UPP2: variants seen among roughly 807,000 people sequenced by gnomAD.
The protein encoded by UPP2 is UPase 2.
UPP2 carries 23 observed loss-of-function variants against 26.7 expected under a neutral mutation model. That is an observed-to-expected ratio of 0.86 (90% CI 0.62 to 1.22). The LOEUF (loss-of-function observed/expected upper bound fraction) is 1.22, where lower values mean the gene tolerates loss of function less well. UPP2 is among the 50% of genes most tolerant of loss of function. The pLI, the probability that UPP2 is intolerant of heterozygous loss-of-function variation, is 0.00. For synonymous variants in UPP2, 127 were observed against 141.3 expected, an observed-to-expected ratio of 0.90 and a Z score of 0.72; for missense variants, 387 against 396.7, an observed-to-expected ratio of 0.98 and a Z score of 0.21.
chr2:158,018,996 G>A (rs1385660098), intron 3 of UPP2, among the ~76,000 whole-genome samples: 4 of 152,038 alleles, frequency 2.6e-5, no homozygotes, highest in African/African-American at 9.7e-5. Flanking sequence ...ATCTCCACAT[G>A]GTTACTCCAC....
intron 3 of UPP2, among the ~76,000 whole-genome samples, chr2:158,040,314 T>C (rs1000988720): frequency 3.9e-4 from 59 of 152,360 alleles, no homozygotes; most frequent in African/African-American, 1.3e-3. Flanking sequence ...TTGTATCAAC[T>C]GATGAGTACT....
chr2:158,127,217 C>G (rs1035267663), intron 6 of UPP2, among the ~76,000 whole-genome samples: 2 of 152,222 alleles, frequency 1.3e-5, no homozygotes, highest in African/African-American at 4.8e-5. Context: ...CTCACTCACT[C>G]ACAATGGTGT....
intron 3 of UPP2, among the ~76,000 whole-genome samples, chr2:158,059,330 A>T (rs1453528155): frequency 6.6e-6 from 1 of 152,198 alleles, no homozygotes; most frequent in East Asian, 1.9e-4. Context: ...ACAGCTTCAT[A>T]CTGAACACTA....
At chr2:158,107,443 G>A (rs542934230) in intron 2 of UPP2, among the ~76,000 whole-genome samples, 1 of 152,310 alleles carries the variant, frequency 6.6e-6, no homozygotes, top group East Asian at 1.9e-4. Context: ...TGGTAGTGCT[G>A]AGACCTGGAT....
At chr2:158,036,956 A>G (rs1684011014) in intron 3 of UPP2, among the ~76,000 whole-genome samples, 1 of 152,190 alleles carries the variant, frequency 6.6e-6, no homozygotes, top group Non-Finnish European at 1.5e-5. Context: ...ACACTGGCTC[A>G]GTAGAAAGTC....
chr2:158,046,452 C>T (rs1329782723), intron 3 of UPP2, among the ~76,000 whole-genome samples: 2 of 152,118 alleles, frequency 1.3e-5, no homozygotes, highest in African/African-American at 4.8e-5. Flanking sequence ...AATCTGCTTG[C>T]CCCAAGTTGT....
intron 3 of UPP2, among the ~76,000 whole-genome samples, chr2:158,039,651 TG>T (rs1403435819): frequency 1.3e-5 from 2 of 152,210 alleles, no homozygotes; most frequent in African/African-American, 4.8e-5. Flanking sequence ...TCAAAGTTCA[TG>T]GACTAATAGC....
chr2:158,004,658 C>T (rs571205560), intron 2 of UPP2, among the ~76,000 whole-genome samples: 38 of 152,254 alleles, frequency 2.5e-4, no homozygotes, highest in East Asian at 1.7e-3. Flanking sequence ...AACAAGTAAA[C>T]GCCCAACTTT....
At chr2:158,014,729 G>A (rs890530485) in intron 2 of UPP2, among the ~76,000 whole-genome samples, 2 of 151,934 alleles carry the variant, frequency 1.3e-5, no homozygotes, top group African/African-American at 2.4e-5. Flanking sequence ...AATACAAAAA[G>A]AGCCCCACCC....
In UPP2 at chr2:158,121,505, G is replaced by C; in HGVS notation, c.551G>C (p.Arg184Pro). Residue 184 changes from arginine (R) to proline (P), a missense_variant, in exon 5 of 7, where the codon CGA becomes CCA. Physicochemically the swap from Arg to Pro is moderately radical, Grantham distance 103. Coordinates refer to ENST00000005756, the MANE Select transcript of UPP2 (RefSeq NM_173355.4). ...EQVILDNIVTRSTELDKELSE... is the reference protein window; with the variant it reads ...EQVILDNIVTPSTELDKELSE... ...GTCATTTTGGACAACATTGTCACCC[G>C]AAGTACTGAACTGGACAAAGAACTG... The C allele has an allele frequency of 6.2e-7, 1 of 1,613,368 alleles. No individual in the cohort carries two copies. The highest frequency in any genetic ancestry group is 1.3e-5 in the African/African-American group (1 of 75,000).
At chr2:158,070,559 T>A (rs1682521926) in intron 3 of UPP2, among the ~76,000 whole-genome samples, 1 of 152,240 alleles carries the variant, frequency 6.6e-6, no homozygotes, top group African/African-American at 2.4e-5. Flanking sequence ...CTCTCTGCCA[T>A]GCTGGCATTT....
intron 3 of UPP2, among the ~76,000 whole-genome samples, chr2:158,049,149 G>C (rs892029692): frequency 6.6e-6 from 1 of 152,172 alleles, no homozygotes; most frequent in Non-Finnish European, 1.5e-5. Context: ...AAAGCACTGG[G>C]TTCTAAAATA....
chr2:158,024,750 T>C (rs1286282742), intron 3 of UPP2, among the ~76,000 whole-genome samples: 1 of 152,146 alleles, frequency 6.6e-6, no homozygotes, highest in Non-Finnish European at 1.5e-5. Context: ...GAAAAAGCCA[T>C]AGTCTTTGCA....
chr2:158,028,510 T>G (rs1227246460), intron 3 of UPP2, among the ~76,000 whole-genome samples: 1 of 152,200 alleles, frequency 6.6e-6, no homozygotes, highest in Non-Finnish European at 1.5e-5. Flanking sequence ...AACAAGTCTC[T>G]AGGAAGTTCC....
In UPP2 at chr2:158,123,874, T is replaced by TG. The variant is rs1481968002; in HGVS notation, c.791dup (p.Cys264TrpfsTer22). 6.2e-7 allele frequency: 1 copy of TG among 1,613,722 alleles called. No homozygotes were observed. On this transcript the variant is annotated frameshift_variant, in exon 6 of 7. Transcript: ENST00000005756. LOFTEE classifies it low-confidence loss of function (END_TRUNC). ...GGAATCTACAGTGTTTGCAGCTATG[T>TG]GTGGACTCTGTGGTCTAAAAGGTAA...
At chr2:158,015,869 T>C (rs926164902) in exon 3 of UPP2, 3 of 451,994 alleles carry the variant, frequency 6.6e-6, no homozygotes, top group Non-Finnish European at 1.3e-5. Flanking sequence ...CCATGCTTCC[T>C]GTACAGCCTG....
intron 3 of UPP2, among the ~76,000 whole-genome samples, chr2:158,091,815 G>C (rs1287084134): frequency 1.3e-5 from 2 of 152,188 alleles, no homozygotes; most frequent in East Asian, 3.8e-4. Context: ...AAGTGCAAAG[G>C]CATGAACAAC....
Position 158,134,833 on chromosome 2 carries a change from ACG to A in UPP2, c.898_899del (p.Arg300AlafsTer17). ...PHDVLVEYQQ[R>X]PQLLISNFIR... ...ATGATGTCCTGGTGGAGTACCAGCA[ACG>A]GCCTCAGCTCCTAATCTCCAACTTC... On this transcript the variant is annotated frameshift_variant, in exon 7 of 7. Coordinates refer to ENST00000005756, the MANE Select transcript of UPP2 (RefSeq NM_173355.4). LOFTEE classifies it high-confidence loss of function. The A allele has an allele frequency of 6.2e-7, 1 of 1,613,720 alleles. No individual in the cohort carries two copies. Among genetic ancestry groups the A allele is most frequent in the South Asian group, 1.1e-5 (1 of 91,020 alleles).
intron 3 of UPP2, among the ~76,000 whole-genome samples, chr2:158,072,626 G>A (rs1228623323): frequency 6.7e-6 from 1 of 149,632 alleles, no homozygotes; most frequent in Non-Finnish European, 1.5e-5. Context: ...GGGCAGCTCA[G>A]CACACAGAGA....
Sources: gnomAD v4.1 joint callset for allele counts (sites outside exome capture counted in the v4.1 genomes callset) on GRCh38, gnomAD v4.1.1 for gene constraint, MANE v1.5 for transcripts, NCBI Gene and HGNC (gene_info 2026-07-23, HGNC 2026-07-21) for gene names.